Variants in RANBP2 observed in about 807,000 individuals in gnomAD.
RANBP2 encodes E3 SUMO-protein ligase RanBP2.
In RANBP2, 57 loss-of-function variants were observed where a neutral mutation model predicts 303.6. The ratio of observed to expected loss-of-function variants is 0.19; its 90% CI spans 0.15 to 0.23. The LOEUF is 0.23. RANBP2 is among the 10% of genes least tolerant of loss of function. The pLI is 1.00. For missense variants in RANBP2, 3,138 were observed against 3,780.8 expected, an observed-to-expected ratio of 0.83 and a Z score of 4.46; for synonymous variants, 1,167 against 1,301.5, an observed-to-expected ratio of 0.90 and a Z score of 2.23.
chr2:109,498,013 A>G, the RANBP2 span, among the ~76,000 whole-genome samples: 1 of 152,136 alleles, frequency 6.6e-6, no homozygotes, highest in Non-Finnish European at 1.5e-5. Flanking sequence ...TCGCAGCCTC[A>G]GTTTGTGTGT....
At chr2:108,951,233 G>C in the RANBP2 span, among the ~76,000 whole-genome samples, 10 of 152,164 alleles carry the variant, frequency 6.6e-5, no homozygotes, top group African/African-American at 2.4e-4. Flanking sequence ...GTCTTGAAGG[G>C]TCTCAATATC....
the RANBP2 span, among the ~76,000 whole-genome samples, chr2:109,241,916 C>T: frequency 2.6e-5 from 4 of 151,958 alleles, no homozygotes; most frequent in African/African-American, 7.3e-5. Flanking sequence ...CAGGGGCCCA[C>T]CACCTCTGCT....
At chr2:109,435,793 G>A in the RANBP2 span, among the ~76,000 whole-genome samples, 4 of 152,204 alleles carry the variant, frequency 2.6e-5, no homozygotes, top group Non-Finnish European at 4.4e-5. Flanking sequence ...TTTCCTCGGG[G>A]AAAAGTGAGC....
At chr2:108,968,005 T>C in the RANBP2 span, among the ~76,000 whole-genome samples, 1 of 152,036 alleles carries the variant, frequency 6.6e-6, no homozygotes. Flanking sequence ...CGTGGAGAGA[T>C]CATAGAGAGA....
At chr2:109,375,292 G>A in the RANBP2 span, among the ~76,000 whole-genome samples, 3 of 152,310 alleles carry the variant, frequency 2.0e-5, no homozygotes, top group East Asian at 1.9e-4. Context: ...TTCGCCCATC[G>A]TTTTGCAAAA....
chr2:109,509,840 A>C, the RANBP2 span, among the ~76,000 whole-genome samples: 2 of 152,144 alleles, frequency 1.3e-5, no homozygotes, highest in Admixed American at 1.3e-4. Context: ...GGGGAACATA[A>C]TTCAGCCCAT....
At chr2:109,031,123 G>GGA in the RANBP2 span, among the ~76,000 whole-genome samples, 2 of 152,074 alleles carry the variant, frequency 1.3e-5, no homozygotes, top group African/African-American at 4.8e-5. Context: ...TAAGAACTCC[G>GGA]GGTCCCTAAG....
intron 27 of RANBP2, 57 bp downstream of exon 27, chr2:108,782,458 A>G: frequency 6.2e-7 from 1 of 1,613,512 alleles, no homozygotes; most frequent in Non-Finnish European, 8.5e-7. Context: ...TAAAATCTAT[A>G]ACAAACAAAA....
chr2:109,613,780 G>A, the RANBP2 span: 2 of 1,223,226 alleles, frequency 1.6e-6, no homozygotes, highest in Non-Finnish European at 2.0e-6. Context: ...CTGGGGCCCC[G>A]GCGTCGGCGG....
the RANBP2 span, among the ~76,000 whole-genome samples, chr2:109,197,031 A>G: frequency 1.3e-5 from 2 of 152,162 alleles, no homozygotes; most frequent in South Asian, 2.1e-4. Flanking sequence ...AGTGGGTGCC[A>G]CTGTTTTCCC....
chr2:109,133,971 G>A, the RANBP2 span, among the ~76,000 whole-genome samples: 3 of 152,256 alleles, frequency 2.0e-5, no homozygotes, highest in South Asian at 4.1e-4. Flanking sequence ...AGTCCAGCTG[G>A]TCAGCTAGTG....
chr2:109,183,279 G>T, the RANBP2 span, among the ~76,000 whole-genome samples: 1 of 150,342 alleles, frequency 6.7e-6, no homozygotes, highest in Non-Finnish European at 1.5e-5. Flanking sequence ...TTTCAGGCTT[G>T]TGTATTTTCT....
At chr2:108,872,261 G>A in the RANBP2 span, among the ~76,000 whole-genome samples, 2 of 151,796 alleles carry the variant, frequency 1.3e-5, no homozygotes, top group African/African-American at 2.4e-5. Context: ...CCTGCCATTG[G>A]TGCCCAAAAT....
chr2:109,241,768 AT>A, the RANBP2 span, among the ~76,000 whole-genome samples: 16,325 of 143,154 alleles, frequency 0.11, 1,130 homozygotes, highest in East Asian at 0.23. Flanking sequence ...GTCTTGAATA[AT>A]TTTTTTTTTT....
At chr2:109,065,161 A>G in the RANBP2 span, among the ~76,000 whole-genome samples, 2 of 152,228 alleles carry the variant, frequency 1.3e-5, no homozygotes, top group South Asian at 2.1e-4. Context: ...CAAAGCCAAC[A>G]TTAGGAGGCA....
chr2:109,127,830 A>C, the RANBP2 span: 1 of 152,280 alleles, frequency 6.6e-6, no homozygotes, highest in Non-Finnish European at 1.5e-5. Flanking sequence ...CCTGCCTGAC[A>C]GAACGAGATC....
In RANBP2 at chr2:108,764,861, C is replaced by G; in HGVS notation, c.4322C>G (p.Thr1441Arg). The G allele has an allele frequency of 1.2e-6, 2 of 1,613,928 alleles. No individual in the cohort carries two copies. The highest frequency in any genetic ancestry group is 1.7e-6 in the Non-Finnish European group (2 of 1,179,892). ...TCTAGGTGCATTGCGTGTCAGAATACAAAATCTGCTAACAAAAGTGGATCT... is the reference window on the plus strand; with the variant it reads ...TCTAGGTGCATTGCGTGTCAGAATAGAAAATCTGCTAACAAAAGTGGATCT... ...TVSRCIACQN[T>R]KSANKSGSSF... The change falls in exon 20 of 29, where the codon ACA becomes AGA. Residue 1441 changes from threonine to arginine, a missense_variant. Physicochemically the swap from Thr to Arg is moderately conservative, Grantham distance 71 (BLOSUM62 -1). Transcript: ENST00000283195.
chr2:109,730,231 C>CTTA, the RANBP2 span, among the ~76,000 whole-genome samples: 1 of 152,172 alleles, frequency 6.6e-6, no homozygotes, highest in East Asian at 1.9e-4. Context: ...AAAGAGACAC[C>CTTA]TTATTGTCCA....
chr2:109,158,546 G>A, the RANBP2 span, among the ~76,000 whole-genome samples: 9 of 152,180 alleles, frequency 5.9e-5, no homozygotes, highest in Non-Finnish European at 1.2e-4. Flanking sequence ...GTCCAGAGGC[G>A]CTCAGGGCTG....
Sources: gnomAD v4.1 joint callset for allele counts (sites outside exome capture counted in the v4.1 genomes callset) on GRCh38, gnomAD v4.1.1 for gene constraint, MANE v1.5 for transcripts, NCBI Gene and HGNC (gene_info 2026-07-23, HGNC 2026-07-21) for gene names.